B3GALT1: variants seen among roughly 807,000 people sequenced by gnomAD.
B3GALT1 encodes the protein beta-1,3-galactosyltransferase 1.
A neutral mutation model predicts 23.2 loss-of-function variants in B3GALT1; 10 were observed. The observed-to-expected ratio is 0.43, with a 90% CI of 0.27 to 0.73. The LOEUF (loss-of-function observed/expected upper bound fraction) is 0.73, where lower values mean the gene tolerates loss of function less well. B3GALT1 is among the 30% of genes least tolerant of loss of function. B3GALT1 has a pLI of 0.21. For synonymous variants in B3GALT1, 156 were observed against 141.5 expected (o/e 1.10, Z -0.73); for missense variants, 299 against 405.4 (o/e 0.74, Z 2.25).
intron 3 of B3GALT1, chr2:167,715,978 T>C (rs1278450994): frequency 9.1e-5 from 146 of 1,612,330 alleles, no homozygotes; most frequent in Admixed American, 1.5e-4. Context: ...TCTTGTCTCA[T>C]ACTCTCAGGT....
intron 1 of B3GALT1, among the ~76,000 whole-genome samples, chr2:167,434,612 T>C (rs912754953): frequency 2.0e-5 from 3 of 152,062 alleles, no homozygotes; most frequent in Non-Finnish European, 4.4e-5. Context: ...CGTCCCCAGT[T>C]TATATGTTCA....
intron 1 of B3GALT1, among the ~76,000 whole-genome samples, chr2:167,419,695 G>A (rs1290072931): frequency 6.6e-6 from 1 of 152,138 alleles, no homozygotes; most frequent in Non-Finnish European, 1.5e-5. Flanking sequence ...CTTAATGCAC[G>A]AAGAATCATC....
intron 1 of B3GALT1, among the ~76,000 whole-genome samples, chr2:167,459,013 A>G (rs1206423039): frequency 1.3e-5 from 2 of 152,160 alleles, no homozygotes; most frequent in Admixed American, 6.5e-5. Context: ...TTTGGATATA[A>G]AAGTGAGTCA....
chr2:167,346,426 G>A (rs921070458), intron 1 of B3GALT1, among the ~76,000 whole-genome samples: 3 of 151,994 alleles, frequency 2.0e-5, no homozygotes, highest in Admixed American at 2.0e-4. Context: ...TTTTCTCCCA[G>A]CCTTAAGTAT....
chr2:167,361,849 G>C (rs1697504416), intron 1 of B3GALT1, among the ~76,000 whole-genome samples: 1 of 152,118 alleles, frequency 6.6e-6, no homozygotes, highest in Admixed American at 6.5e-5. Flanking sequence ...CGAGACGGGT[G>C]GATCACATGA....
intron 1 of B3GALT1, among the ~76,000 whole-genome samples, chr2:167,344,171 A>C (rs757735307): frequency 6.6e-6 from 1 of 152,204 alleles, no homozygotes; most frequent in South Asian, 2.1e-4. Flanking sequence ...CATGGCCATA[A>C]TTGAAATAAA....
At chr2:167,374,597 C>T (rs1213887929) in intron 1 of B3GALT1, among the ~76,000 whole-genome samples, 1 of 152,052 alleles carries the variant, frequency 6.6e-6, no homozygotes, top group African/African-American at 2.4e-5. Context: ...ATTTGCATTT[C>T]TCTGATGGTT....
At chr2:167,845,711 C>T (rs1426956688) in intron 4 of B3GALT1, among the ~76,000 whole-genome samples, 3 of 151,776 alleles carry the variant, frequency 2.0e-5, no homozygotes, top group Non-Finnish European at 4.4e-5. Context: ...CGCCCCCACC[C>T]CCCCGCAACA....
chr2:167,821,231 G>A (rs1311862360), intron 4 of B3GALT1, among the ~76,000 whole-genome samples: 3 of 151,978 alleles, frequency 2.0e-5, no homozygotes, highest in African/African-American at 7.3e-5. Flanking sequence ...TAATATTCTG[G>A]CAACAGAAGC....
chr2:167,516,893 G>A (rs1482713828), intron 2 of B3GALT1, among the ~76,000 whole-genome samples: 2 of 151,426 alleles, frequency 1.3e-5, no homozygotes, highest in Non-Finnish European at 3.0e-5. Flanking sequence ...TTTCAATCCC[G>A]TGACCAGCCT....
intron 1 of B3GALT1, among the ~76,000 whole-genome samples, chr2:167,481,813 T>C (rs1699566022): frequency 1.3e-5 from 2 of 152,246 alleles, no homozygotes; most frequent in Admixed American, 1.3e-4. Context: ...TTTGTATTTC[T>C]TTCTCCACCA....
intron 2 of B3GALT1, among the ~76,000 whole-genome samples, chr2:167,586,566 C>T (rs1317442669): frequency 2.0e-5 from 3 of 152,044 alleles, no homozygotes; most frequent in Non-Finnish European, 4.4e-5. Context: ...CCCAAAGTGC[C>T]GGGATTACAG....
chr2:167,448,811 A>G (rs942404234), intron 1 of B3GALT1, among the ~76,000 whole-genome samples: 1 of 152,122 alleles, frequency 6.6e-6, no homozygotes, highest in Non-Finnish European at 1.5e-5. Context: ...TCATTCTCCT[A>G]CATGTGGCTT....
At chr2:167,366,420 C>T (rs1697585026) in intron 1 of B3GALT1, among the ~76,000 whole-genome samples, 1 of 152,176 alleles carries the variant, frequency 6.6e-6, no homozygotes, top group Admixed American at 6.5e-5. Context: ...ATCTGTACAA[C>T]ATCCCTGTGG....
intron 2 of B3GALT1, among the ~76,000 whole-genome samples, chr2:167,518,601 C>T (rs1249408841): frequency 6.6e-6 from 1 of 152,170 alleles, no homozygotes; most frequent in Non-Finnish European, 1.5e-5. Flanking sequence ...ATCTCAGGAA[C>T]TGTTCTTACA....
chr2:167,492,199 T>C (rs984618432), intron 2 of B3GALT1, among the ~76,000 whole-genome samples: 1 of 152,192 alleles, frequency 6.6e-6, no homozygotes, highest in Non-Finnish European at 1.5e-5. Context: ...TAGTTTGACC[T>C]TTTCCAGAAT....
intron 3 of B3GALT1, among the ~76,000 whole-genome samples, chr2:167,753,315 G>A (rs943702403): frequency 2.6e-5 from 4 of 152,176 alleles, no homozygotes; most frequent in African/African-American, 4.8e-5. Context: ...AGACAGGCCC[G>A]TCAATCTGCG....
intron 3 of B3GALT1, among the ~76,000 whole-genome samples, chr2:167,774,720 A>ACTC: frequency 6.7e-6 from 1 of 150,068 alleles, no homozygotes; most frequent in Admixed American, 6.6e-5. Flanking sequence ...CTGGTCTCGA[A>ACTC]CTCCTGACCT....
intron 1 of B3GALT1, among the ~76,000 whole-genome samples, chr2:167,453,234 C>A (rs78091859): frequency 6.6e-6 from 1 of 152,124 alleles, no homozygotes; most frequent in Non-Finnish European, 1.5e-5. Flanking sequence ...GCGAGGCTAG[C>A]GTGCAGGTAT....
Sources: allele counts gnomAD v4.1 joint callset (sites outside exome capture counted in the v4.1 genomes callset), GRCh38; gene constraint gnomAD v4.1.1; transcripts MANE v1.5; gene names NCBI Gene and HGNC (gene_info 2026-07-23, HGNC 2026-07-21).